PBLD: variants seen among roughly 807,000 people sequenced by gnomAD.
The protein encoded by PBLD is phenazine biosynthesis like protein domain containing, also known as phenazine biosynthesis-like domain-containing protein.
Under a neutral mutation model 31.3 loss-of-function variants are expected in PBLD, and 26 were observed. That is an observed-to-expected ratio of 0.83 (90% CI 0.61 to 1.15). The LOEUF is 1.15. PBLD is among the 50% of genes most tolerant of loss of function. PBLD has a pLI of 0.00. For missense variants in PBLD, 307 were observed against 351.7 expected, an observed-to-expected ratio of 0.87 and a Z score of 1.02; for synonymous variants, 114 against 129.0, an observed-to-expected ratio of 0.88 and a Z score of 0.79.
At position 68,292,055 on chromosome 10, in the gene PBLD, A is replaced by AG; in HGVS notation, c.394-17_394-16insC. 6.3e-7 allele frequency: 1 copy of AG among 1,598,890 alleles called. No homozygotes were observed. The highest frequency in any genetic ancestry group is 8.6e-7 in the Non-Finnish European group (1 of 1,167,814). On this transcript the variant is annotated splice_polypyrimidine_tract_variant and intron_variant, in intron 5 of 9. Coordinates refer to ENST00000358769, the MANE Select transcript of PBLD (RefSeq NM_022129.4). Reference sequence around the variant, plus strand: ...CATGGAAGTCCTAGATGGGGGGAAAAAAAACAAAATTATTATAAAACAGGA... The same window carrying AG: ...CATGGAAGTCCTAGATGGGGGGAAAAGAAAACAAAATTATTATAAAACAGGA...
chr10:68,284,851 C>T (rs74519834), intron 9 of PBLD, among the ~76,000 whole-genome samples: 6,708 of 152,262 alleles, frequency 0.044, 225 homozygotes, highest in East Asian at 0.18. Flanking sequence ...AATGAATAGC[C>T]ACCTTGCTCT....
intron 1 of PBLD, among the ~76,000 whole-genome samples, chr10:68,308,682 G>C (rs1174681319): frequency 6.7e-6 from 1 of 150,214 alleles, no homozygotes; most frequent in Non-Finnish European, 1.5e-5. Flanking sequence ...CCAAGTAGCT[G>C]GGATTACAGG....
intron 9 of PBLD, chr10:68,285,023 A>C: frequency 8.5e-7 from 1 of 1,178,744 alleles, no homozygotes; most frequent in Non-Finnish European, 1.0e-6. Context: ...AATAGCAGTA[A>C]GGAACCTTGG....
At chr10:68,304,852 G>A (rs1320496791) in intron 2 of PBLD, among the ~76,000 whole-genome samples, 2 of 152,182 alleles carry the variant, frequency 1.3e-5, no homozygotes, top group African/African-American at 4.8e-5. Context: ...TCTAAAGAAA[G>A]GTCATGACTT....
At position 68,288,952 on chromosome 10, in the gene PBLD, C is replaced by A. The variant is rs753497852; in HGVS notation, c.491G>T (p.Arg164Leu). 1 of 1,614,016 alleles carries A rather than the reference C, an allele frequency of 6.2e-7. No homozygotes were observed. The highest frequency in any genetic ancestry group is 8.5e-7 in the Non-Finnish European group (1 of 1,180,010). The change falls in exon 7 of 10, where the codon CGC (arginine) becomes CTC (leucine). Residue 164 changes from arginine to leucine, a missense_variant. By Grantham distance (102) the Arg-to-Leu change is moderately radical (BLOSUM62 -2). Coordinates refer to ENST00000358769, the MANE Select transcript of PBLD (RefSeq NM_022129.4). ...YSPDTQKLLV[R>L]LSDVYNRSFL... ...TTACCTGTTGTAAACGTCACTGAGG[C>A]GGACGAGGAGCTTTTGGGTATCTGG...
chr10:68,302,242 G>T (rs2134462822), intron 2 of PBLD, among the ~76,000 whole-genome samples: 1 of 152,288 alleles, frequency 6.6e-6, no homozygotes, highest in East Asian at 1.9e-4. Flanking sequence ...CATCTCATGT[G>T]AATCAAATTT....
At chr10:68,312,766 TG>T (rs34651808) in intron 1 of PBLD, among the ~76,000 whole-genome samples, 151,743 of 151,746 alleles carry the variant, frequency 1, 75,870 homozygotes, top group Non-Finnish European at 1. Flanking sequence ...CCCGCCACCA[TG>T]GCCTGGCTAA....
intron 2 of PBLD, among the ~76,000 whole-genome samples, chr10:68,304,033 T>C (rs553781747): frequency 2.4e-4 from 37 of 152,348 alleles, no homozygotes; most frequent in African/African-American, 8.9e-4. Flanking sequence ...TTTGTACCTC[T>C]GGCTCCTAGC....
rs2044636292 is a variant in PBLD at position 68,309,706 on chromosome 10, G to C, written c.-59-2803C>G. 2.0e-5 allele frequency among the ~76,000 whole-genome samples: 3 copies of C among 148,842 alleles called. No homozygotes were observed. In the South Asian group the frequency reaches 6.4e-4, roughly 32 times the overall value. Reference sequence around the variant, plus strand: ...GCCTGTAATCCCAGCTACTAGGGAGGCTGAGGCAGGAGAATCGCTTGAACA... The same window carrying C: ...GCCTGTAATCCCAGCTACTAGGGAGCCTGAGGCAGGAGAATCGCTTGAACA... On this transcript the variant is annotated intron_variant, in intron 1 of 9. Coordinates refer to ENST00000358769, the MANE Select transcript of PBLD (RefSeq NM_022129.4).
chr10:68,290,444 G>A (rs1302046720), intron 6 of PBLD, among the ~76,000 whole-genome samples: 1 of 152,136 alleles, frequency 6.6e-6, no homozygotes, highest in African/African-American at 2.4e-5. Context: ...AGGGGTGGGC[G>A]CGGTGGCTCA....
chr10:68,324,354 T>G (rs1279720443), intron 1 of PBLD, among the ~76,000 whole-genome samples: 1 of 151,978 alleles, frequency 6.6e-6, no homozygotes, highest in African/African-American at 2.4e-5. Context: ...TTTTTGTATT[T>G]TTTGTAGAGA....
chr10:68,308,831 C>A (rs893079114), intron 1 of PBLD, among the ~76,000 whole-genome samples: 7 of 132,508 alleles, frequency 5.3e-5, no homozygotes, highest in African/African-American at 2.0e-4. Context: ...TGCCCCACTG[C>A]ACCTGACCTG....
rs184313742 is a variant in PBLD at position 68,318,158 on chromosome 10, C to T, written c.-59-11255G>A. 6.7e-3 allele frequency among the ~76,000 whole-genome samples: 1,014 copies of T among 151,782 alleles called. 15 individuals are homozygous for T. Among genetic ancestry groups the T allele is most frequent in the African/African-American group, 0.023 (934 of 41,404 alleles). On this transcript the variant is annotated intron_variant, in intron 1 of 9. Transcript: ENST00000358769. ...AGGAGAATGGTGAGAACCTGGGAGG[C>T]GGAGTTTGCAGTGAGCCGAGATCAA...
At chr10:68,319,484 A>G (rs115949048) in intron 1 of PBLD, among the ~76,000 whole-genome samples, 3,662 of 152,298 alleles carry the variant, frequency 0.024, 146 homozygotes, top group African/African-American at 0.083. Context: ...AAAGTTCAAG[A>G]TCAGCCTGGC....
intron 2 of PBLD, among the ~76,000 whole-genome samples, chr10:68,303,198 C>T (rs923251863): frequency 2.0e-5 from 3 of 151,794 alleles, no homozygotes; most frequent in African/African-American, 7.3e-5. Flanking sequence ...CTCAGCCTAC[C>T]GAGTAGCTGG....
intron 1 of PBLD, among the ~76,000 whole-genome samples, chr10:68,312,350 T>A (rs2044680279): frequency 6.6e-6 from 1 of 152,172 alleles, no homozygotes; most frequent in Admixed American, 6.5e-5. Flanking sequence ...ACACTTGTTA[T>A]CTTGTGTTTT....
chr10:68,299,196 T>A (rs1001374420), intron 2 of PBLD, among the ~76,000 whole-genome samples: 1 of 151,822 alleles, frequency 6.6e-6, no homozygotes, highest in Non-Finnish European at 1.5e-5. Context: ...TGCTTACTAG[T>A]TAGATTTTGA....
intron 8 of PBLD, 75 bp downstream of exon 8, chr10:68,288,408 A>C: frequency 1.1e-5 from 16 of 1,481,130 alleles, no homozygotes; most frequent in African/African-American, 1.4e-5. Context: ...AGGTCACAGG[A>C]AGTGCACTTA....
At chr10:68,320,546 C>T (rs1159081130) in intron 1 of PBLD, among the ~76,000 whole-genome samples, 3 of 152,154 alleles carry the variant, frequency 2.0e-5, no homozygotes, top group African/African-American at 2.4e-5. Context: ...TGCACATCCT[C>T]CCATATACTT....
Sources: allele counts gnomAD v4.1 joint callset (sites outside exome capture counted in the v4.1 genomes callset), GRCh38; gene constraint gnomAD v4.1.1; transcripts MANE v1.5; gene names NCBI Gene and HGNC (gene_info 2026-07-23, HGNC 2026-07-21).